SVIL: variants seen among roughly 807,000 people sequenced by gnomAD.
SVIL encodes the protein archvillin.
Under a neutral mutation model 240.4 loss-of-function variants are expected in SVIL, and 101 were observed. That is an observed-to-expected ratio of 0.42 (90% CI 0.36 to 0.50). The LOEUF is 0.50. Ranked by LOEUF, SVIL falls within the 20% of genes least tolerant of loss-of-function variation. The probability of loss-of-function intolerance (pLI) is 0.01; values close to 1 mark genes in which losing one functional copy is unlikely to be tolerated. For missense variants in SVIL, 2,512 were observed against 2,818.7 expected (o/e 0.89, Z 2.46); for synonymous variants, 999 against 1,100.0 (o/e 0.91, Z 1.82).
chr10:29,662,496 A>T (rs1959170512), intron 2 of SVIL, among the ~76,000 whole-genome samples: 2 of 152,236 alleles, frequency 1.3e-5, no homozygotes, highest in Non-Finnish European at 2.9e-5. Flanking sequence ...TCTCCCCATT[A>T]GAGAAGGTCC....
chr10:29,693,225 C>G (rs953610638), intron 1 of SVIL, among the ~76,000 whole-genome samples: 1 of 146,364 alleles, frequency 6.8e-6, no homozygotes, highest in African/African-American at 2.6e-5. Flanking sequence ...AGAGACAAGT[C>G]AGGATTCAAA....
Position 29,484,953 on chromosome 10 carries a change from G to A in SVIL, c.4780-122C>T, listed in dbSNP as rs1198074825. ...AGGAAGACAGAAATCCTAACGGGGCGACCAACACAGACACAAAAAGGCCAG... is the reference window on the plus strand; with the variant it reads ...AGGAAGACAGAAATCCTAACGGGGCAACCAACACAGACACAAAAAGGCCAG... On this transcript the variant is annotated intron_variant, in intron 26 of 37. Transcript: ENST00000355867. The surrounding 1 kb of genome is among the most constrained non-coding windows in gnomAD (Gnocchi z 4.7). 23 of 1,020,722 alleles carry A rather than the reference G, an allele frequency of 2.3e-5. No homozygotes were observed. The highest frequency in any genetic ancestry group is 2.1e-4 in the Admixed American group (7 of 33,154). 63.2% of individuals were successfully genotyped at this position (1,020,722 alleles called of 1,614,324 possible).
chr10:29,560,671 A>G (rs1954372684), intron 3 of SVIL, among the ~76,000 whole-genome samples: 1 of 151,832 alleles, frequency 6.6e-6, no homozygotes, highest in Non-Finnish European at 1.5e-5. Context: ...TTTTTTTAAC[A>G]TAATATTGCT....
intron 17 of SVIL, among the ~76,000 whole-genome samples, chr10:29,509,323 G>GA (rs1491288580): frequency 1.3e-3 from 145 of 111,676 alleles, no homozygotes; most frequent in Non-Finnish European, 2.3e-3. Context: ...GGGAGAAGGA[G>GA]GGGGAGGGAG....
chr10:29,628,270 C>T (rs1193824311), intron 1 of SVIL, among the ~76,000 whole-genome samples: 5 of 152,176 alleles, frequency 3.3e-5, no homozygotes, highest in African/African-American at 1.2e-4. Flanking sequence ...TGGGTTTTGG[C>T]TGGAGCGGTT....
At chr10:29,471,724 G>C (rs531548482) in intron 30 of SVIL, among the ~76,000 whole-genome samples, 1 of 152,308 alleles carries the variant, frequency 6.6e-6, no homozygotes, top group African/African-American at 2.4e-5. Flanking sequence ...TGGCCTGTTA[G>C]AGAAGGCTCT....
At chr10:29,547,764 T>C (rs1564617670) in intron 6 of SVIL, among the ~76,000 whole-genome samples, 1 of 152,342 alleles carries the variant, frequency 6.6e-6, no homozygotes, top group East Asian at 1.9e-4. Flanking sequence ...CTAACTCAGA[T>C]ACCGTGATAA....
chr10:29,584,023 T>C (rs1185112766), intron 1 of SVIL, among the ~76,000 whole-genome samples: 1 of 152,026 alleles, frequency 6.6e-6, no homozygotes, highest in Non-Finnish European at 1.5e-5. Flanking sequence ...ATATAAAGCC[T>C]GGGAAGAAAC....
At chr10:29,494,814 G>T in intron 20 of SVIL, 100 bp downstream of exon 20, 3 of 1,171,328 alleles carry the variant, frequency 2.6e-6, no homozygotes, top group Non-Finnish European at 3.7e-6. Flanking sequence ...TCTCTAATCA[G>T]TCTTGACCAA....
intron 3 of SVIL, among the ~76,000 whole-genome samples, chr10:29,652,018 A>C (rs200240768): frequency 3.3e-5 from 5 of 149,876 alleles, no homozygotes; most frequent in South Asian, 2.1e-4. Flanking sequence ...CACACACACA[A>C]ACACACACAC....
chr10:29,620,770 TA>T (rs1346839983), intron 1 of SVIL, among the ~76,000 whole-genome samples: 2 of 151,964 alleles, frequency 1.3e-5, no homozygotes, highest in African/African-American at 4.8e-5. Flanking sequence ...AGGCGCCCAC[TA>T]CCACACCAAG....
chr10:29,458,667 C>T (rs1943854386), intron 36 of SVIL, 78 bp from the exon 37 acceptor site: 3 of 1,498,620 alleles, frequency 2.0e-6, no homozygotes, highest in African/African-American at 2.8e-5. Context: ...TACAGACACA[C>T]AGCCCTGTGC....
Position 29,550,902 on chromosome 10 carries a change from C to A in SVIL, c.522G>T (p.Gly174=), listed in dbSNP as rs1342200413. Reference sequence around the variant, plus strand: ...TGGATTCACCGGCACAGGTCCTGAGCCCCATCGTCTCGGTCCCGGGGTACA... The same window carrying A: ...TGGATTCACCGGCACAGGTCCTGAGACCCATCGTCTCGGTCCCGGGGTACA... The part of the protein sequence containing the change: ...SSLYPGTETM[G]LRTCAGESKD... Residue 174 remains glycine (G), a synonymous_variant, in exon 6 of 38, where the codon GGG becomes GGT. Coordinates refer to ENST00000355867, the MANE Select transcript of SVIL (RefSeq NM_021738.3). 6.2e-7 allele frequency: 1 copy of A among 1,614,054 alleles called. No individual in the cohort carries two copies. The highest frequency in any genetic ancestry group is 1.7e-5 in the Admixed American group (1 of 60,020).
In SVIL at chr10:29,625,490, G is replaced by A. The variant is rs568915032; in HGVS notation, c.-201+8930C>T. Among the ~76,000 whole-genome samples the A allele has an allele frequency of 9.2e-4, 140 of 152,080 alleles. 1 individual carries two copies. The highest frequency in any genetic ancestry group is 3.1e-3 in the African/African-American group (129 of 41,478). ...TTTTTTTCCTTTTTTTTGAGACGGA[G>A]TCTCACTCTGTTGCCCAGGCTGGAG... On this transcript the variant is annotated intron_variant, in intron 1 of 37. Transcript: ENST00000355867.
intron 16 of SVIL, among the ~76,000 whole-genome samples, chr10:29,517,625 CG>C (rs1950301068): frequency 6.6e-6 from 1 of 152,040 alleles, no homozygotes; most frequent in Non-Finnish European, 1.5e-5. Flanking sequence ...ATGGTTGGGG[CG>C]GGGGCCGGCA....
At chr10:29,639,536 T>G (rs528261845), upstream of SVIL, among the ~76,000 whole-genome samples, 1 of 148,656 alleles carries the variant, frequency 6.7e-6, no homozygotes, top group African/African-American at 2.5e-5. Context: ...ATGCACGATC[T>G]CGGCTCACTG....
At chr10:29,632,565 T>C (rs562294911) in intron 1 of SVIL, among the ~76,000 whole-genome samples, 1 of 151,924 alleles carries the variant, frequency 6.6e-6, no homozygotes, top group South Asian at 2.1e-4. Context: ...TCACTCTGAA[T>C]TGAACTCCAA....
chr10:29,649,571 T>C (rs1958774471), intron 3 of SVIL, among the ~76,000 whole-genome samples: 2 of 152,198 alleles, frequency 1.3e-5, no homozygotes, highest in Non-Finnish European at 2.9e-5. Context: ...GTAGGCCATC[T>C]GTATTCCATA....
chr10:29,721,763 C>T (rs1480127128), intron 1 of SVIL, among the ~76,000 whole-genome samples: 1 of 152,216 alleles, frequency 6.6e-6, no homozygotes, highest in East Asian at 1.9e-4. Flanking sequence ...TACAAAGCCA[C>T]ATATTTCAAT....
Sources: gnomAD v4.1 joint callset for allele counts (sites outside exome capture counted in the v4.1 genomes callset) on GRCh38, gnomAD v4.1.1 for gene constraint, Gnocchi (gnomAD v3.1) non-coding constraint, MANE v1.5 for transcripts, NCBI Gene and HGNC (gene_info 2026-07-23, HGNC 2026-07-21) for gene names.